CNTN6: variants seen among roughly 807,000 people sequenced by gnomAD.
The protein encoded by CNTN6 is contactin-6.
Under a neutral mutation model 122.8 loss-of-function variants are expected in CNTN6, and 137 were observed. The observed-to-expected ratio is 1.12, with a 90% CI of 0.97 to 1.29. The LOEUF (loss-of-function observed/expected upper bound fraction) is 1.29. Among genes scored for constraint, CNTN6 ranks in the 50% most tolerant of loss-of-function variants. The pLI, the probability that CNTN6 is intolerant of heterozygous loss-of-function variation, is 0.00. For synonymous variants in CNTN6, 570 were observed against 426.0 expected, an observed-to-expected ratio of 1.34 and a Z score of -4.16; for missense variants, 1,634 against 1,223.4, an observed-to-expected ratio of 1.34 and a Z score of -5.01.
Position 1,372,923 on chromosome 3 carries a change from G to C in CNTN6, c.1754G>C (p.Ser585Thr), listed in dbSNP as rs746647744. The C allele has an allele frequency of 6.2e-7, 1 of 1,603,326 alleles. No homozygotes were observed. Among genetic ancestry groups the C allele is most frequent in the East Asian group, 2.2e-5 (1 of 44,612 alleles). Reference protein sequence around the residue: ...YLCTVQTTLESLSAVADIIVR... With the variant: ...YLCTVQTTLETLSAVADIIVR... ...TGCACAGTACAAACAACCCTAGAAA[G>C]TTTATCTGCAGTAGCCGATATCATT... The change falls in exon 14 of 23, where the codon AGT (serine) becomes ACT (threonine). Residue 585 changes from serine to threonine, a missense_variant. Physicochemically the swap from Ser to Thr is moderately conservative, Grantham distance 58. Coordinates refer to ENST00000446702, the MANE Select transcript of CNTN6 (RefSeq NM_001289080.2).
At chr3:1,373,257 A>G (rs1709358281) in intron 14 of CNTN6, among the ~76,000 whole-genome samples, 1 of 152,108 alleles carries the variant, frequency 6.6e-6, no homozygotes, top group African/African-American at 2.4e-5. Context: ...ATTCTTGTCA[A>G]TCCAGAGTCA....
intron 2 of CNTN6, among the ~76,000 whole-genome samples, chr3:1,183,812 A>G (rs2093592729): frequency 6.6e-6 from 1 of 152,054 alleles, no homozygotes; most frequent in African/African-American, 2.4e-5. Context: ...AGCTCATCTG[A>G]GTTTTTGCTT....
At chr3:1,308,002 G>T (rs1431645281) in intron 7 of CNTN6, among the ~76,000 whole-genome samples, 1 of 152,106 alleles carries the variant, frequency 6.6e-6, no homozygotes, top group Non-Finnish European at 1.5e-5. Flanking sequence ...GTGACTATGT[G>T]TAGTCCACAT....
intron 5 of CNTN6, among the ~76,000 whole-genome samples, chr3:1,282,136 G>A (rs1230883448): frequency 6.6e-6 from 1 of 152,132 alleles, no homozygotes; most frequent in African/African-American, 2.4e-5. Context: ...CCATGTAAAT[G>A]ATTGGTCACA....
chr3:1,169,990 T>G (rs2093330400), intron 2 of CNTN6, among the ~76,000 whole-genome samples: 1 of 152,124 alleles, frequency 6.6e-6, no homozygotes, highest in Non-Finnish European at 1.5e-5. Context: ...ATCCCAGCAC[T>G]TTGTGAGGCC....
intron 2 of CNTN6, among the ~76,000 whole-genome samples, chr3:1,181,554 T>C (rs1445176557): frequency 6.6e-6 from 1 of 152,188 alleles, no homozygotes; most frequent in Non-Finnish European, 1.5e-5. Flanking sequence ...ACCTTAATTT[T>C]GAGGGTGCAT....
intron 4 of CNTN6, among the ~76,000 whole-genome samples, chr3:1,238,674 T>C (rs1330144921): frequency 3.3e-5 from 5 of 152,122 alleles, no homozygotes; most frequent in African/African-American, 1.2e-4. Context: ...TTCTCCAACA[T>C]AGACCATACG....
intron 4 of CNTN6, among the ~76,000 whole-genome samples, chr3:1,236,795 C>G (rs2094428011): frequency 6.6e-6 from 1 of 152,052 alleles, no homozygotes; most frequent in Non-Finnish European, 1.5e-5. Flanking sequence ...AAGAAGGCAC[C>G]AGAGACCAGG....
chr3:1,381,621 T>G (rs1691905098), intron 17 of CNTN6, among the ~76,000 whole-genome samples: 1 of 152,108 alleles, frequency 6.6e-6, no homozygotes, highest in Non-Finnish European at 1.5e-5. Flanking sequence ...GCTTGAATAG[T>G]CTCTCATGCT....
chr3:1,158,152 G>A (rs969607711), intron 2 of CNTN6, among the ~76,000 whole-genome samples: 2 of 152,134 alleles, frequency 1.3e-5, no homozygotes, highest in African/African-American at 4.8e-5. Flanking sequence ...CTCACCAATG[G>A]TGTATGATGG....
intron 7 of CNTN6, among the ~76,000 whole-genome samples, chr3:1,307,877 A>G (rs1400977617): frequency 6.6e-6 from 1 of 152,156 alleles, no homozygotes; most frequent in Non-Finnish European, 1.5e-5. Context: ...CTTTATCATA[A>G]TGATTTATGA....
intron 20 of CNTN6, among the ~76,000 whole-genome samples, chr3:1,386,836 A>G (rs1693045506): frequency 6.6e-6 from 1 of 152,140 alleles, no homozygotes; most frequent in African/African-American, 2.4e-5. Flanking sequence ...ACACCACCAT[A>G]TTTGGAAAGA....
intron 1 of CNTN6, among the ~76,000 whole-genome samples, chr3:1,130,227 G>A (rs1236057953): frequency 1.3e-5 from 2 of 151,988 alleles, no homozygotes; most frequent in African/African-American, 2.4e-5. Flanking sequence ...CTAAAACATG[G>A]CAGGGGTTTA....
At chr3:1,107,294 T>C (rs2091272826) in intron 1 of CNTN6, among the ~76,000 whole-genome samples, 1 of 152,084 alleles carries the variant, frequency 6.6e-6, no homozygotes, top group African/African-American at 2.4e-5. Context: ...TGTCATATGG[T>C]TTAAAATTAT....
At chr3:1,271,448 CT>C (rs1319237644) in intron 4 of CNTN6, among the ~76,000 whole-genome samples, 2 of 152,150 alleles carry the variant, frequency 1.3e-5, no homozygotes, top group East Asian at 3.9e-4. Context: ...GGTGTTCGAG[CT>C]GCATATGAAT....
chr3:1,384,288 A>AT (rs55856401), intron 19 of CNTN6, among the ~76,000 whole-genome samples: 24,624 of 150,936 alleles, frequency 0.16, 2,117 homozygotes, highest in Non-Finnish European at 0.18. Context: ...AATTGCAGTC[A>AT]TTTTTTTTTC....
intron 5 of CNTN6, among the ~76,000 whole-genome samples, chr3:1,293,065 C>G (rs1298149961): frequency 6.6e-6 from 1 of 152,096 alleles, no homozygotes; most frequent in Non-Finnish European, 1.5e-5. Context: ...CCTGCTGTTC[C>G]TGGTCTCATC....
chr3:1,178,414 T>A (rs530807869), intron 2 of CNTN6, among the ~76,000 whole-genome samples: 1 of 152,222 alleles, frequency 6.6e-6, no homozygotes, highest in Non-Finnish European at 1.5e-5. Context: ...TTTCCATTCC[T>A]AGATTTCTAC....
intron 12 of CNTN6, among the ~76,000 whole-genome samples, chr3:1,369,767 G>A (rs1197772798): frequency 6.7e-6 from 1 of 150,228 alleles, no homozygotes; most frequent in Non-Finnish European, 1.5e-5. Context: ...TAAGACATTT[G>A]TGATTTTTTT....
Sources: allele counts gnomAD v4.1 joint callset (sites outside exome capture counted in the v4.1 genomes callset), GRCh38; gene constraint gnomAD v4.1.1; transcripts MANE v1.5; gene names NCBI Gene and HGNC (gene_info 2026-07-23, HGNC 2026-07-21).